Variants in CLK1 observed in about 807,000 individuals in gnomAD.
CLK1 encodes CDC like kinase 1.
CLK1 carries 40 observed loss-of-function variants against 60.9 expected under a neutral mutation model. The ratio of observed to expected loss-of-function variants is 0.66; its 90% CI spans 0.51 to 0.86. The LOEUF (loss-of-function observed/expected upper bound fraction) is 0.86. Among genes scored for constraint, CLK1 ranks in the 40% least tolerant of loss-of-function variants. The pLI, the probability that CLK1 is intolerant of heterozygous loss-of-function variation, is 0.00. For missense variants in CLK1, 563 were observed against 606.1 expected (o/e 0.93, Z 0.75); for synonymous variants, 203 against 184.4 (o/e 1.10, Z -0.82).
Position 200,853,768 on chromosome 2 carries a change from A to G in CLK1, c.1311+135T>C, listed in dbSNP as rs1269437512. 3 of 555,826 alleles carry G rather than the reference A, an allele frequency of 5.4e-6. No homozygotes were observed. In the African/African-American group the frequency reaches 6.0e-5, roughly 11 times the overall value. 34.4% of individuals were successfully genotyped at this position (555,826 alleles called of 1,614,324 possible). A position where few individuals can be genotyped will look rare whatever the true frequency, so the allele number is the denominator to read the frequency against. On this transcript the variant is annotated intron_variant, in intron 12 of 12. Transcript: ENST00000321356. Reference sequence around the variant, plus strand: ...AGGCTGAGACCTGCTTGAGCCTAGGATGCAGAGGTTGCAGTGAGCTGGGCC... The same window carrying G: ...AGGCTGAGACCTGCTTGAGCCTAGGGTGCAGAGGTTGCAGTGAGCTGGGCC...
intron 4 of CLK1, 84 bp from the exon 5 acceptor site, chr2:200,859,830 T>C: frequency 1.9e-6 from 3 of 1,564,508 alleles, no homozygotes; most frequent in Non-Finnish European, 2.6e-6. Context: ...TGTAGATTAT[T>C]CTAGTTGATG....
In CLK1 at chr2:200,853,261, A is replaced by G; in HGVS notation, c.*45T>C. Reference sequence around the variant, plus strand: ...AACTTAAAATTTAAAAATTAGACTGATACAGTCTGTAAGATCTCTTCGAGA... The same window carrying G: ...AACTTAAAATTTAAAAATTAGACTGGTACAGTCTGTAAGATCTCTTCGAGA... On this transcript the variant is annotated 3_prime_UTR_variant, in exon 13 of 13. Transcript: ENST00000321356. The G allele has an allele frequency of 6.9e-7, 1 of 1,442,144 alleles. No homozygotes were observed. Among genetic ancestry groups the G allele is most frequent in the Non-Finnish European group, 9.4e-7 (1 of 1,062,288 alleles). 89.3% of individuals were successfully genotyped at this position (1,442,144 alleles called of 1,614,324 possible).
At chr2:200,861,060 A>G (rs543732638) in intron 3 of CLK1, 178 bp downstream of exon 3, 3 of 1,415,684 alleles carry the variant, frequency 2.1e-6, no homozygotes, top group Middle Eastern at 5.2e-4. Context: ...TATAGAACTA[A>G]ATGTGTACTT....
In CLK1 at chr2:200,854,642, T is replaced by TAGAG. The variant is rs1202852929; in HGVS notation, c.1190_1193dup (p.Pro399SerfsTer13). The TAGAG allele has an allele frequency of 1.2e-6, 2 of 1,606,428 alleles. No individual in the cohort carries two copies. Among genetic ancestry groups the TAGAG allele is most frequent in the Non-Finnish European group, 1.7e-6 (2 of 1,173,144 alleles). On this transcript the variant is annotated frameshift_variant, in exon 11 of 13. Transcript: ENST00000321356. LOFTEE classifies it high-confidence loss of function. Reference sequence around the variant, plus strand: ...TGGTTTTCTGTATCATATGTTTTGGTAGAGGTCCAAGAATCCTTTCCATCA... The same window carrying TAGAG: ...TGGTTTTCTGTATCATATGTTTTGGTAGAGAGAGGTCCAAGAATCCTTTCCATCA...
At chr2:200,864,328 G>A in intron 1 of CLK1, 1 of 1,414,928 alleles carries the variant, frequency 7.1e-7, no homozygotes, top group Middle Eastern at 2.2e-4. Flanking sequence ...CCAAGAGGGC[G>A]GCCGGCCTAG....
intron 3 of CLK1, chr2:200,860,902 C>A: frequency 9.2e-7 from 1 of 1,092,562 alleles, no homozygotes; most frequent in Non-Finnish European, 1.1e-6. Flanking sequence ...TTTGTGATTT[C>A]AATAGATCAA....
At chr2:200,862,378 T>C (rs921643427) in intron 1 of CLK1, among the ~76,000 whole-genome samples, 3 of 152,194 alleles carry the variant, frequency 2.0e-5, no homozygotes, top group Admixed American at 1.3e-4. Flanking sequence ...AACTGATCAA[T>C]ATACTTTGTA....
Position 200,857,746 on chromosome 2 carries a change from CATCT to C in CLK1, c.800_803del (p.Lys267ArgfsTer9), listed in dbSNP as rs777857879. On this transcript the variant is annotated frameshift_variant, in exon 7 of 13. Transcript: ENST00000321356. LOFTEE classifies it high-confidence loss of function. ...TCACAGACTTGCATATCTGATATGC[CATCT>C]TTCTGATATGATCCAGTCGAAATGG... is the stretch of plus-strand genomic sequence containing the variant. The C allele has an allele frequency of 1.2e-6, 2 of 1,602,952 alleles. No individual in the cohort carries two copies. The highest frequency in any genetic ancestry group is 1.7e-6 in the Non-Finnish European group (2 of 1,174,860).
intron 1 of CLK1, among the ~76,000 whole-genome samples, chr2:200,862,302 C>T (rs2039152042): frequency 6.6e-6 from 1 of 152,200 alleles, no homozygotes; most frequent in South Asian, 2.1e-4. Flanking sequence ...TGAAGATCCA[C>T]AAAAAAAGTA....
In CLK1 at chr2:200,861,377, C is replaced by T. The variant is rs752013118; in HGVS notation, c.251G>A (p.Cys84Tyr). 2 of 1,614,174 alleles carry T rather than the reference C, an allele frequency of 1.2e-6. No homozygotes were observed. The highest frequency in any genetic ancestry group is 1.1e-5 in the South Asian group (1 of 91,088). Reference sequence around the variant, plus strand: ...GTCTCTTTGGCGATGTCCAGGTTCACATCCTTGAGTGTAGTCATTTCTGTA... The same window carrying T: ...GTCTCTTTGGCGATGTCCAGGTTCATATCCTTGAGTGTAGTCATTTCTGTA... ...DEYRNDYTQG[C>Y]EPGHRQRDHE... The change falls in exon 3 of 13, where the codon TGT becomes TAT. Residue 84 changes from cysteine to tyrosine, a missense_variant. Cys to Tyr is a radical substitution (Grantham distance 194). Around this residue, in one of 3 missense-constraint regions of CLK1, gnomAD observed 198 missense variants for 179.2 expected, o/e 1.10. Coordinates refer to ENST00000321356, the MANE Select transcript of CLK1 (RefSeq NM_004071.4).
At chr2:200,860,777 A>T in intron 3 of CLK1, 1 of 1,017,884 alleles carries the variant, frequency 9.8e-7, no homozygotes, top group African/African-American at 1.7e-5. Context: ...AACCCATAAC[A>T]GTTCAAATCT....
At position 200,861,484 on chromosome 2, in the gene CLK1, A is replaced by G; in HGVS notation, c.162-18T>C. On this transcript the variant is annotated intron_variant, in intron 2 of 12. Transcript: ENST00000321356. ...AATAATGGCTAGAGAAATAAAAATT[A>G]TTTTCAATGTTTTATGCTAAGACCA... The G allele has an allele frequency of 1.9e-6, 3 of 1,609,944 alleles. No homozygotes were observed. Among genetic ancestry groups the G allele is most frequent in the Non-Finnish European group, 2.5e-6 (3 of 1,178,402 alleles).
intron 1 of CLK1, 103 bp downstream of exon 1, chr2:200,864,461 G>A: frequency 1.9e-6 from 1 of 513,112 alleles, no homozygotes; most frequent in Non-Finnish European, 3.3e-6. Context: ...GTCGCGCCGG[G>A]GACGGCGGGC....
At chr2:200,857,310 A>G in intron 7 of CLK1, 1 of 279,346 alleles carries the variant, frequency 3.6e-6, no homozygotes. Context: ...CATTTCAAAA[A>G]ACAAAAAAAC....
At chr2:200,859,827 T>G (rs748962306) in intron 4 of CLK1, 81 bp from the exon 5 acceptor site, 54 of 1,571,920 alleles carry the variant, frequency 3.4e-5, no homozygotes, top group Non-Finnish European at 3.7e-5. Context: ...CAATGTAGAT[T>G]ATTCTAGTTG....
At position 200,853,441 on chromosome 2, in the gene CLK1, C is replaced by G; in HGVS notation, c.1320G>C (p.Met440Ile). 1 of 1,602,014 alleles carries G rather than the reference C, an allele frequency of 6.2e-7. No individual in the cohort carries two copies. The highest frequency in any genetic ancestry group is 8.5e-7 in the Non-Finnish European group (1 of 1,177,140). The change falls in exon 13 of 13, where the codon ATG becomes ATC. Residue 440 changes from methionine (M) to isoleucine (I), a missense_variant. This residue lies in a region of CLK1 where 360 missense variants were observed against 407.0 expected (regional missense o/e 0.88). Transcript: ENST00000321356. ...SRRCKPLKEF[M>I]LSQDVEHERL... ...GCTCATGTTCAACATCTTGAGAAAG[C>G]ATAAATTCCTGGAAGAAAAAAAGAA... is the stretch of plus-strand genomic sequence containing the variant.
intron 11 of CLK1, 184 bp from the exon 12 acceptor site, chr2:200,854,177 G>C (rs2038999216): frequency 2.1e-6 from 1 of 485,302 alleles, no homozygotes; most frequent in Non-Finnish European, 3.6e-6. Context: ...ATATTAGTTT[G>C]ACTTCATTAT....
chr2:200,859,927 C>G (rs1467084449), intron 4 of CLK1, 181 bp from the exon 5 acceptor site: 1 of 1,428,750 alleles, frequency 7.0e-7, no homozygotes, highest in African/African-American at 1.4e-5. Context: ...AATTTGATTA[C>G]TGTTCTGGAA....
rs562850576 is a variant in CLK1, at chr2:200,856,962, G to A, written c.856C>T (p.His286Tyr). Reference sequence around the variant, plus strand: ...ATGTTTTCAGGCTTTAAGTCTGTGTGAGTCAACTTATTACTGTGCAAAACT... The same window carrying A: ...ATGTTTTCAGGCTTTAAGTCTGTGTAAGTCAACTTATTACTGTGCAAAACT... ...VNFLHSNKLT[H>Y]TDLKPENILF... is the part of the protein sequence containing the mutation. Residue 286 changes from histidine to tyrosine, a missense_variant, in exon 8 of 13, where the codon CAC becomes TAC. Transcript: ENST00000321356. The A allele has an allele frequency of 6.2e-7, 1 of 1,613,966 alleles. No homozygotes were observed. The highest frequency in any genetic ancestry group is 8.5e-7 in the Non-Finnish European group (1 of 1,179,908).
Sources: gnomAD v4.1 joint callset for allele counts (sites outside exome capture counted in the v4.1 genomes callset) on GRCh38, gnomAD v4.1.1 for gene constraint, gnomAD v4.1.1 regional missense constraint, MANE v1.5 for transcripts, NCBI Gene and HGNC (gene_info 2026-07-23, HGNC 2026-07-21) for gene names.